EIF4G3: variants seen among roughly 807,000 people sequenced by gnomAD.
EIF4G3 encodes the protein eukaryotic translation initiation factor 4 gamma 3.
Under a neutral mutation model 186.4 loss-of-function variants are expected in EIF4G3, and 34 were observed. The observed-to-expected ratio is 0.18, with a 90% CI of 0.14 to 0.24. EIF4G3 has a LOEUF of 0.24. EIF4G3 is among the 10% of genes least tolerant of loss of function. The pLI is 1.00. For missense variants in EIF4G3, 1,536 were observed against 1,948.5 expected, an observed-to-expected ratio of 0.79 and a Z score of 3.99; for synonymous variants, 673 against 679.5, an observed-to-expected ratio of 0.99 and a Z score of 0.15.
At chr1:20,930,985 C>T (rs1310125625) in intron 14 of EIF4G3, among the ~76,000 whole-genome samples, 3 of 151,400 alleles carry the variant, frequency 2.0e-5, no homozygotes, top group Non-Finnish European at 2.9e-5. Context: ...GGACTACAGG[C>T]GTGCGCCACT....
intron 34 of EIF4G3, among the ~76,000 whole-genome samples, chr1:20,816,385 G>A (rs2060906197): frequency 1.0e-5 from 1 of 98,496 alleles, no homozygotes; most frequent in Admixed American, 9.7e-5. Flanking sequence ...TCAGCCCCCC[G>A]CCCGGCCGGC....
At chr1:21,049,890 T>C (rs4654898) in intron 4 of EIF4G3, among the ~76,000 whole-genome samples, 61,340 of 151,738 alleles carry the variant, frequency 0.4, 12,696 homozygotes, top group Non-Finnish European at 0.43. Flanking sequence ...GACCCTGTCT[T>C]TAAAAAAATA....
intron 30 of EIF4G3, among the ~76,000 whole-genome samples, chr1:20,830,721 G>C (rs746198107): frequency 2.7e-4 from 41 of 152,156 alleles, no homozygotes; most frequent in Admixed American, 7.9e-4. Context: ...TTCTTGCTTT[G>C]GTTTTTTATG....
intron 20 of EIF4G3, among the ~76,000 whole-genome samples, chr1:20,874,430 T>C (rs550564302): frequency 2.4e-4 from 36 of 152,240 alleles, no homozygotes; most frequent in Non-Finnish European, 4.4e-4. Flanking sequence ...TCAGTGATGT[T>C]GAACTTTTTT....
intron 20 of EIF4G3, among the ~76,000 whole-genome samples, chr1:20,867,681 A>C (rs1253627886): frequency 6.6e-6 from 1 of 152,220 alleles, no homozygotes; most frequent in Non-Finnish European, 1.5e-5. Flanking sequence ...TTAAACATTA[A>C]GAGTAACGTA....
rs2101174459 is a variant in EIF4G3 at position 21,089,619 on chromosome 1, C to G, written c.-271-406G>C. Among the ~76,000 whole-genome samples, 2 of 152,148 alleles carry G rather than the reference C, an allele frequency of 1.3e-5. 1 individual carries two copies. The highest frequency in any genetic ancestry group is 4.1e-4 in the South Asian group (2 of 4,822). ...GAGTTCAAGACAAGCCTGGGCAACA[C>G]AGCAAGACCTCATCTCTACTAAATT... is the stretch of plus-strand genomic sequence containing the variant. On this transcript the variant is annotated intron_variant, in intron 2 of 36. Coordinates refer to ENST00000602326, the MANE Select transcript of EIF4G3 (RefSeq NM_001391906.1).
At chr1:21,160,755 C>A (rs762849788) in intron 2 of EIF4G3, among the ~76,000 whole-genome samples, 7 of 152,144 alleles carry the variant, frequency 4.6e-5, no homozygotes, top group Non-Finnish European at 1.0e-4. Flanking sequence ...TCGTTACAAA[C>A]CATAAGAGAA....
intron 14 of EIF4G3, among the ~76,000 whole-genome samples, chr1:20,940,451 C>T (rs1269525504): frequency 1.3e-5 from 2 of 152,104 alleles, no homozygotes; most frequent in Admixed American, 1.3e-4. Context: ...AAGAACTGAG[C>T]TGGGTAGAAA....
At chr1:20,862,960 A>T (rs2076684471) in intron 22 of EIF4G3, among the ~76,000 whole-genome samples, 1 of 151,862 alleles carries the variant, frequency 6.6e-6, no homozygotes, top group South Asian at 2.1e-4. Flanking sequence ...TTCTGTGTGT[A>T]TGATTTTTTG....
At chr1:20,943,021 G>A (rs914260687) in intron 13 of EIF4G3, among the ~76,000 whole-genome samples, 3 of 152,108 alleles carry the variant, frequency 2.0e-5, no homozygotes, top group African/African-American at 7.2e-5. Flanking sequence ...GAAATTGCTG[G>A]GCTTGGTGGC....
chr1:20,976,903 T>A (rs185185006), intron 10 of EIF4G3, among the ~76,000 whole-genome samples: 1 of 152,236 alleles, frequency 6.6e-6, no homozygotes, highest in East Asian at 1.9e-4. Context: ...TATCATAAAT[T>A]GTGATTCATT....
chr1:20,832,222 C>T (rs1485324924), intron 30 of EIF4G3, among the ~76,000 whole-genome samples: 2 of 142,746 alleles, frequency 1.4e-5, no homozygotes, highest in Admixed American at 7.2e-5. Flanking sequence ...TACAGTCCCA[C>T]CAACAGTGTA....
intron 12 of EIF4G3, among the ~76,000 whole-genome samples, chr1:20,953,033 G>A (rs1013038040): frequency 3.3e-5 from 5 of 152,166 alleles, no homozygotes; most frequent in African/African-American, 1.2e-4. Context: ...TGATACATAT[G>A]AAGAAATTAA....
chr1:21,018,735 T>C (rs1387712977), intron 4 of EIF4G3, among the ~76,000 whole-genome samples: 1 of 152,118 alleles, frequency 6.6e-6, no homozygotes, highest in Non-Finnish European at 1.5e-5. Context: ...AGTTCTCACT[T>C]AGTTCCCTTA....
chr1:21,016,435 C>T (rs1156316348), intron 4 of EIF4G3, among the ~76,000 whole-genome samples: 2 of 152,092 alleles, frequency 1.3e-5, no homozygotes, highest in Non-Finnish European at 2.9e-5. Context: ...CCTGTAATCC[C>T]AACACTTTGA....
intron 3 of EIF4G3, among the ~76,000 whole-genome samples, chr1:21,083,074 G>A (rs1433594583): frequency 4.7e-3 from 489 of 104,730 alleles, no homozygotes; most frequent in African/African-American, 0.01. Flanking sequence ...AAAAAAAAAA[G>A]TTTAAAAAAT....
Position 20,822,339 on chromosome 1 carries a change from C to A in EIF4G3, c.4368+2761G>T, listed in dbSNP as rs941685251. Among the ~76,000 whole-genome samples, 3 of 127,438 alleles carry A rather than the reference C, an allele frequency of 2.4e-5. No homozygotes were observed. The Admixed American group carries it at 2.5e-4, about 11-fold the overall frequency. The allele number at this position is 127,438 out of a possible 152,430, so 83.6% of individuals were successfully genotyped here. ...CTGGCTAGAGGTTTATCACTTTTAT[C>A]TTCTCAAAGAACCAGCTTTTTTTTT... On this transcript the variant is annotated intron_variant, in intron 33 of 36. Transcript: ENST00000602326.
intron 10 of EIF4G3, among the ~76,000 whole-genome samples, chr1:20,975,858 A>G (rs2076755446): frequency 6.6e-6 from 1 of 151,972 alleles, no homozygotes; most frequent in African/African-American, 2.4e-5. Flanking sequence ...TTTTTTAAAT[A>G]AAGTTTTATT....
At chr1:21,106,493 T>C (rs953524814) in intron 2 of EIF4G3, among the ~76,000 whole-genome samples, 1 of 152,116 alleles carries the variant, frequency 6.6e-6, no homozygotes, top group Admixed American at 6.6e-5. Context: ...CTTGAGTAGT[T>C]AGGCAGACAG....
Sources: gnomAD v4.1 joint callset for allele counts (sites outside exome capture counted in the v4.1 genomes callset) on GRCh38, gnomAD v4.1.1 for gene constraint, MANE v1.5 for transcripts, NCBI Gene and HGNC (gene_info 2026-07-23, HGNC 2026-07-21) for gene names.